Variants in CLIC5 observed in about 807,000 individuals in gnomAD.
CLIC5 encodes the protein CLIC family member 5, also known as chloride intracellular channel protein 5.
Under a neutral mutation model 24.7 loss-of-function variants are expected in CLIC5, and 20 were observed. The observed-to-expected ratio is 0.81, with a 90% CI of 0.57 to 1.18. The LOEUF (loss-of-function observed/expected upper bound fraction) is 1.18. Among genes scored for constraint, CLIC5 ranks in the 50% most tolerant of loss-of-function variants. The pLI is 0.00. For missense variants in CLIC5, 341 were observed against 326.1 expected (o/e 1.05, Z -0.35); for synonymous variants, 159 against 135.6 (o/e 1.17, Z -1.20).
At chr6:45,890,281 A>G (rs1484890649) in intron 6 of CLIC5, among the ~76,000 whole-genome samples, 1 of 152,194 alleles carries the variant, frequency 6.6e-6, no homozygotes, top group Non-Finnish European at 1.5e-5. Context: ...TCAAAAGAAG[A>G]CATACCAATG....
intron 4 of CLIC5, among the ~76,000 whole-genome samples, chr6:45,935,448 C>T (rs532681103): frequency 6.6e-6 from 1 of 152,298 alleles, no homozygotes; most frequent in Admixed American, 6.5e-5. Context: ...TTGCTAATTA[C>T]AGGGATGCTG....
upstream of CLIC5, among the ~76,000 whole-genome samples, chr6:46,083,538 T>C (rs930348267): frequency 2.0e-5 from 3 of 152,076 alleles, no homozygotes; most frequent in Non-Finnish European, 2.9e-5. Context: ...ATGTACCCAG[T>C]AGTCATTCAG....
At chr6:45,954,406 AAAC>A (rs1764574890) in intron 2 of CLIC5, among the ~76,000 whole-genome samples, 1 of 152,228 alleles carries the variant, frequency 6.6e-6, no homozygotes, top group Non-Finnish European at 1.5e-5. Flanking sequence ...CATCCAAGTG[AAAC>A]TATCTAGATG....
chr6:46,099,361 T>TC, the CLIC5 span, among the ~76,000 whole-genome samples: 1 of 152,304 alleles, frequency 6.6e-6, no homozygotes, highest in East Asian at 1.9e-4. Flanking sequence ...AGAATCAACC[T>TC]CCCTTGAAAG....
intron 1 of CLIC5, among the ~76,000 whole-genome samples, chr6:46,061,445 C>A (rs1762280510): frequency 6.6e-6 from 1 of 152,220 alleles, no homozygotes; most frequent in Non-Finnish European, 1.5e-5. Flanking sequence ...CCCGCCTTGG[C>A]CTGCCAAAGT....
At chr6:45,998,955 G>A (rs77171264) in intron 1 of CLIC5, among the ~76,000 whole-genome samples, 3,431 of 152,310 alleles carry the variant, frequency 0.023, 52 homozygotes, top group Non-Finnish European at 0.036. Context: ...AACAGAGACT[G>A]TATAGCCTTT....
rs1356768907 is a variant in CLIC5, at chr6:46,008,743, T to A, written c.63+6737A>T. ...AATATACAAAGGAAGAAAAGAAAAA[T>A]TACAAAAGAAAGGTCAAAAGCATTT... On this transcript the variant is annotated intron_variant, in intron 1 of 5. Coordinates refer to ENST00000339561, the MANE Select transcript of CLIC5 (RefSeq NM_016929.5). 3.3e-5 allele frequency among the ~76,000 whole-genome samples: 5 copies of A among 152,256 alleles called. No homozygotes were observed. The East Asian group carries it at 7.7e-4, about 24-fold the overall frequency.
chr6:46,023,573 T>G (rs2127451410), intron 1 of CLIC5, among the ~76,000 whole-genome samples: 1 of 152,176 alleles, frequency 6.6e-6, no homozygotes, highest in Non-Finnish European at 1.5e-5. Flanking sequence ...TTTACTCTGC[T>G]TAAACTAAGA....
chr6:46,116,475 A>T, the CLIC5 span, among the ~76,000 whole-genome samples: 1 of 152,118 alleles, frequency 6.6e-6, no homozygotes, highest in Non-Finnish European at 1.5e-5. Flanking sequence ...TCATTTCCTC[A>T]TCTGCAAAAA....
intron 4 of CLIC5, among the ~76,000 whole-genome samples, chr6:45,936,251 C>T (rs1410584276): frequency 7.8e-6 from 1 of 128,448 alleles, no homozygotes; most frequent in South Asian, 2.5e-4. Context: ...GTTGCCCATG[C>T]TGGAGTGCAA....
chr6:46,116,878 A>G, the CLIC5 span, among the ~76,000 whole-genome samples: 3 of 152,126 alleles, frequency 2.0e-5, no homozygotes, highest in African/African-American at 7.2e-5. Flanking sequence ...CTCAGTCCTG[A>G]CACTTCCCAT....
At chr6:46,016,091 G>A (rs2127446780), upstream of CLIC5, among the ~76,000 whole-genome samples, 1 of 150,542 alleles carries the variant, frequency 6.6e-6, no homozygotes, top group Middle Eastern at 3.5e-3. Flanking sequence ...AAGAGTCGAG[G>A]AGAAGGGGAA....
At chr6:45,910,149 T>G (rs1158647234) in intron 5 of CLIC5, among the ~76,000 whole-genome samples, 1 of 152,156 alleles carries the variant, frequency 6.6e-6, no homozygotes, top group Non-Finnish European at 1.5e-5. Flanking sequence ...TTTTTCTAAC[T>G]TGTGGGCAGT....
chr6:45,982,014 A>T (rs1407959641), intron 1 of CLIC5, among the ~76,000 whole-genome samples: 2 of 151,952 alleles, frequency 1.3e-5, no homozygotes, highest in African/African-American at 4.8e-5. Context: ...AAAAAAGAAA[A>T]AAAGAAAGAA....
chr6:46,083,360 T>C (rs1762963647), upstream of CLIC5, among the ~76,000 whole-genome samples: 1 of 152,216 alleles, frequency 6.6e-6, no homozygotes, highest in Non-Finnish European at 1.5e-5. Context: ...CTTTTAATTG[T>C]GATGTTAGGG....
chr6:45,912,567 C>A, intron 5 of CLIC5: 1 of 1,425,050 alleles, frequency 7.0e-7, no homozygotes, highest in Non-Finnish European at 9.3e-7. Context: ...TTCTGTTCTT[C>A]TAGGCATGAG....
At chr6:45,955,572 T>A (rs1192589816) in intron 1 of CLIC5, among the ~76,000 whole-genome samples, 3 of 152,044 alleles carry the variant, frequency 2.0e-5, no homozygotes, top group Non-Finnish European at 4.4e-5. Flanking sequence ...AATGCCAACA[T>A]CTACACCCCC....
At chr6:45,913,672 A>T in intron 5 of CLIC5, 1 of 674,886 alleles carries the variant, frequency 1.5e-6, no homozygotes, top group Non-Finnish European at 2.1e-6. Context: ...GGATGACACT[A>T]CATGCTGCAA....
At chr6:46,101,549 C>G in the CLIC5 span, among the ~76,000 whole-genome samples, 1 of 152,120 alleles carries the variant, frequency 6.6e-6, no homozygotes, top group South Asian at 2.1e-4. Flanking sequence ...TGGTTATTTC[C>G]AAGCTCCTTT....
Sources: allele counts gnomAD v4.1 joint callset (sites outside exome capture counted in the v4.1 genomes callset), GRCh38; gene constraint gnomAD v4.1.1; transcripts MANE v1.5; gene names NCBI Gene and HGNC (gene_info 2026-07-23, HGNC 2026-07-21).